LDLRAD3: variants seen among roughly 807,000 people sequenced by gnomAD.
The protein encoded by LDLRAD3 is low-density lipoprotein receptor class A domain-containing protein 3.
In LDLRAD3, 20 loss-of-function variants were observed where a neutral mutation model predicts 29.4. The observed-to-expected ratio is 0.68, with a 90% CI of 0.48 to 0.99. LDLRAD3 has a LOEUF of 0.99. Ranked by LOEUF, LDLRAD3 falls within the 50% of genes least tolerant of loss-of-function variation. LDLRAD3 has a pLI of 0.00. For missense variants in LDLRAD3, 420 were observed against 454.3 expected (o/e 0.92, Z 0.69); for synonymous variants, 157 against 192.7 (o/e 0.81, Z 1.53).
chr11:36,229,548 C>A lies in LDLRAD3; in HGVS notation c.*151C>A. On this transcript the variant is annotated 3_prime_UTR_variant, in exon 6 of 6. Coordinates refer to ENST00000315571, the MANE Select transcript of LDLRAD3 (RefSeq NM_174902.4). ...AACTATCTCTGCATTCCCCTCCTCCCCCAGACTTCAGAGATGTTTTTCTGG... is the reference window on the plus strand; with the variant it reads ...AACTATCTCTGCATTCCCCTCCTCCACCAGACTTCAGAGATGTTTTTCTGG... 1.6e-6 allele frequency: 1 copy of A among 612,922 alleles called. No homozygotes were observed. The highest frequency in any genetic ancestry group is 2.9e-6 in the Non-Finnish European group (1 of 345,686). The allele number at this position is 612,922 out of a possible 1,614,324, so 38.0% of individuals were successfully genotyped here. A position where few individuals can be genotyped will look rare whatever the true frequency, so the allele number is the denominator to read the frequency against.
intron 4 of LDLRAD3, among the ~76,000 whole-genome samples, chr11:36,208,687 TTAA>T (rs1376861916): frequency 6.6e-6 from 1 of 152,140 alleles, no homozygotes; most frequent in Non-Finnish European, 1.5e-5. Flanking sequence ...AAATAAATAA[TTAA>T]TAAATAAATT....
chr11:36,104,894 G>A (rs1248251813), intron 4 of LDLRAD3, among the ~76,000 whole-genome samples: 1 of 152,180 alleles, frequency 6.6e-6, no homozygotes, highest in African/African-American at 2.4e-5. Flanking sequence ...CTTGGCCTGT[G>A]AGTTTATGGG....
At chr11:36,186,754 T>G (rs1354798074) in intron 4 of LDLRAD3, among the ~76,000 whole-genome samples, 1 of 152,124 alleles carries the variant, frequency 6.6e-6, no homozygotes, top group Non-Finnish European at 1.5e-5. Flanking sequence ...TGAGCTCATC[T>G]CCTACAGATT....
intron 4 of LDLRAD3, among the ~76,000 whole-genome samples, chr11:36,214,532 A>G (rs1032575320): frequency 7.2e-5 from 11 of 152,196 alleles, no homozygotes; most frequent in African/African-American, 2.7e-4. Context: ...ATAAATCTTG[A>G]GCTCAGCCAG....
At chr11:36,165,976 C>CCCTCCTCCCTCCCTCCCTTCCTT (rs1417261911) in intron 4 of LDLRAD3, among the ~76,000 whole-genome samples, 1 of 101,404 alleles carries the variant, frequency 9.9e-6, no homozygotes, top group African/African-American at 5.1e-5. Flanking sequence ...CTCCCTCCCT[C>CCCTCCTCCCTCCCTCCCTTCCTT]CCTTCCTTCC....
At chr11:36,191,478 G>A (rs1439771626) in intron 4 of LDLRAD3, among the ~76,000 whole-genome samples, 2 of 150,796 alleles carry the variant, frequency 1.3e-5, no homozygotes, top group Non-Finnish European at 3.0e-5. Flanking sequence ...AGGAGTTTGA[G>A]GCTGTGGTGA....
chr11:36,092,246 C>A (rs1853293932), intron 3 of LDLRAD3, among the ~76,000 whole-genome samples: 1 of 152,130 alleles, frequency 6.6e-6, no homozygotes, highest in Non-Finnish European at 1.5e-5. Context: ...ACCTTCTAGT[C>A]TCTTTTTGAA....
intron 1 of LDLRAD3, among the ~76,000 whole-genome samples, chr11:36,026,989 G>A (rs780318083): frequency 5.9e-5 from 9 of 152,260 alleles, no homozygotes; most frequent in South Asian, 4.2e-4. Flanking sequence ...TTGCTCTCAC[G>A]TTACTCTGGA....
rs78443370 is a variant in LDLRAD3, at chr11:36,086,585, T to A, written c.319+4807T>A. Among the ~76,000 whole-genome samples the A allele has an allele frequency of 2.5e-3, 385 of 152,316 alleles. 2 individuals are homozygous for A. Among genetic ancestry groups the A allele is most frequent in the African/African-American group, 9.0e-3 (376 of 41,582 alleles). ...CTGATTAGGACCAGGTCCATGTGCA[T>A]GCAGCTTGAGGGGATCATCCTAGGA... On this transcript the variant is annotated intron_variant, in intron 3 of 5. Coordinates refer to ENST00000315571, the MANE Select transcript of LDLRAD3 (RefSeq NM_174902.4).
chr11:36,031,111 T>A (rs1394028968), intron 1 of LDLRAD3, among the ~76,000 whole-genome samples: 1 of 151,790 alleles, frequency 6.6e-6, no homozygotes, highest in Non-Finnish European at 1.5e-5. Flanking sequence ...GCAGATGGTG[T>A]AGTTATTTTA....
chr11:36,151,938 A>G (rs1854284206), intron 4 of LDLRAD3, among the ~76,000 whole-genome samples: 1 of 152,194 alleles, frequency 6.6e-6, no homozygotes, highest in African/African-American at 2.4e-5. Flanking sequence ...CCAACACTTT[A>G]GCTGGATGAC....
intron 3 of LDLRAD3, among the ~76,000 whole-genome samples, chr11:36,090,826 C>T (rs1853269366): frequency 6.6e-6 from 1 of 152,132 alleles, no homozygotes; most frequent in Non-Finnish European, 1.5e-5. Context: ...AGGCTACGTT[C>T]TGTCTTCGAG....
chr11:36,117,659 T>G (rs899654165), intron 4 of LDLRAD3, among the ~76,000 whole-genome samples: 4 of 152,176 alleles, frequency 2.6e-5, no homozygotes, highest in South Asian at 2.1e-4. Flanking sequence ...AGCGTGACAG[T>G]GTGATGGGCA....
rs958714829 is a variant in LDLRAD3 at position 36,230,949 on chromosome 11, A to G, written c.*1552A>G. On this transcript the variant is annotated 3_prime_UTR_variant, in exon 6 of 6. Transcript: ENST00000315571. ...CGTGTATAGTCTCTATGTTTGTGCTAGTTTTTCTTTTTTTTCTCTGTGTCC... is the reference window on the plus strand; with the variant it reads ...CGTGTATAGTCTCTATGTTTGTGCTGGTTTTTCTTTTTTTTCTCTGTGTCC... The G allele has an allele frequency of 7.2e-5, 11 of 152,294 alleles. No individual in the cohort carries two copies. The highest frequency in any genetic ancestry group is 7.2e-4 in the Admixed American group (11 of 15,264). The allele number at this position is 152,294 out of a possible 1,614,324, so 9.4% of individuals were successfully genotyped here.
chr11:36,031,368 C>G (rs1852233885), intron 1 of LDLRAD3, among the ~76,000 whole-genome samples: 1 of 152,048 alleles, frequency 6.6e-6, no homozygotes, highest in Non-Finnish European at 1.5e-5. Context: ...TTTACTTGTA[C>G]AAATCCAGAC....
chr11:36,133,508 G>A (rs1016624122), intron 4 of LDLRAD3, among the ~76,000 whole-genome samples: 5 of 151,074 alleles, frequency 3.3e-5, no homozygotes, highest in African/African-American at 4.9e-5. Flanking sequence ...ACAGGCATGA[G>A]CCACCATGCC....
intron 2 of LDLRAD3, among the ~76,000 whole-genome samples, chr11:36,044,061 A>G (rs193293687): frequency 1.3e-5 from 2 of 152,264 alleles, no homozygotes; most frequent in African/African-American, 4.8e-5. Flanking sequence ...TTTAGTCTTA[A>G]ATGCAAAACC....
chr11:36,088,994 C>A (rs1043122469), intron 3 of LDLRAD3, among the ~76,000 whole-genome samples: 5 of 152,220 alleles, frequency 3.3e-5, no homozygotes, highest in Non-Finnish European at 7.3e-5. Context: ...TTCCCTACTA[C>A]ATTGTGACAG....
intron 1 of LDLRAD3, among the ~76,000 whole-genome samples, chr11:35,953,154 G>C (rs1851158400): frequency 6.6e-6 from 1 of 152,222 alleles, no homozygotes; most frequent in Admixed American, 6.5e-5. Context: ...AGAGACAGGT[G>C]ATAAATTGGG....
Sources: gnomAD v4.1 joint callset for allele counts (sites outside exome capture counted in the v4.1 genomes callset) on GRCh38, gnomAD v4.1.1 for gene constraint, MANE v1.5 for transcripts, NCBI Gene and HGNC (gene_info 2026-07-23, HGNC 2026-07-21) for gene names.